Variants in IFI44L observed in about 807,000 individuals in gnomAD.
The protein encoded by IFI44L is interferon induced protein 44 like.
Under a neutral mutation model 39.3 loss-of-function variants are expected in IFI44L, and 40 were observed. That is an observed-to-expected ratio of 1.02 (90% CI 0.79 to 1.33). The LOEUF (loss-of-function observed/expected upper bound fraction) is 1.33, where lower values mean the gene tolerates loss of function less well. Ranked by LOEUF, IFI44L falls within the 40% of genes most tolerant of loss-of-function variation. IFI44L has a pLI of 0.00. For synonymous variants in IFI44L, 198 were observed against 182.3 expected (o/e 1.09, Z -0.69); for missense variants, 623 against 549.0 (o/e 1.13, Z -1.35).
In IFI44L at chr1:78,643,911, A is replaced by G. The variant is rs1647018256; in HGVS notation, c.*2102A>G. 6.6e-6 allele frequency: 1 copy of G among 152,056 alleles called. No homozygotes were observed. The highest frequency in any genetic ancestry group is 1.5e-5 in the Non-Finnish European group (1 of 67,990). The allele number at this position is 152,056 out of a possible 1,614,324, so 9.4% of individuals were successfully genotyped here. A position where few individuals can be genotyped will look rare whatever the true frequency, so the allele number is the denominator to read the frequency against. On this transcript the variant is annotated 3_prime_UTR_variant, in exon 9 of 9. Coordinates refer to ENST00000370751, the MANE Select transcript of IFI44L (RefSeq NM_006820.4). ...AGTCATGCTGTAAGTAGCTACAGGG[A>G]ATTGGCTTAAAGGGCAAGTTGGTTA...
chr1:78,622,881 C>T (rs1652327984), intron 1 of IFI44L, among the ~76,000 whole-genome samples: 1 of 152,212 alleles, frequency 6.6e-6, no homozygotes, highest in African/African-American at 2.4e-5. Flanking sequence ...TCCCGTTAAA[C>T]ATTCAGAAGA....
At chr1:78,638,042 C>T (rs766293196) in intron 6 of IFI44L, among the ~76,000 whole-genome samples, 5 of 152,098 alleles carry the variant, frequency 3.3e-5, no homozygotes, top group Non-Finnish European at 7.4e-5. Context: ...TACCATTTTA[C>T]AATCCCACCA....
chr1:78,636,877 A>T, intron 5 of IFI44L, 155 bp from the exon 6 acceptor site: 1 of 568,868 alleles, frequency 1.8e-6, no homozygotes, highest in Non-Finnish European at 3.1e-6. Context: ...TCACAGTGGA[A>T]AGGAAGTAAA....
intron 6 of IFI44L, among the ~76,000 whole-genome samples, chr1:78,639,567 A>C (rs1298399936): frequency 1.3e-5 from 2 of 152,090 alleles, no homozygotes; most frequent in African/African-American, 2.4e-5. Context: ...AAACCTAGAG[A>C]GCTCATCTCT....
intron 5 of IFI44L, 199 bp downstream of exon 5, chr1:78,635,688 G>T (rs1652925478): frequency 1.7e-6 from 1 of 572,304 alleles, no homozygotes; most frequent in South Asian, 2.2e-5. Flanking sequence ...GAGAAATAAA[G>T]CCAAAAGGCA....
Position 78,635,387 on chromosome 1 carries a change from T to C in IFI44L, c.774T>C (p.Phe258=), listed in dbSNP as rs556994784. ...KDGKNGKSLP[F]MLCDTMGLDG... is the part of the protein sequence containing the mutation. ...GAAAAAATGGAAAATCTCTGCCATT[T>C]ATGTTGTGTGACACTATGGGGCTAG... The change falls in exon 5 of 9, where the codon TTT becomes TTC. Residue 258 remains phenylalanine (F), a synonymous_variant. Coordinates refer to ENST00000370751, the MANE Select transcript of IFI44L (RefSeq NM_006820.4). 1 of 1,612,662 alleles carries C rather than the reference T, an allele frequency of 6.2e-7. No homozygotes were observed. The highest frequency in any genetic ancestry group is 8.5e-7 in the Non-Finnish European group (1 of 1,178,830).
rs1646992757 is a variant in IFI44L at position 78,641,978 on chromosome 1, C to T, written c.*169C>T. The T allele has an allele frequency of 5.5e-6, 4 of 728,668 alleles. No individual in the cohort carries two copies. In the Admixed American group the frequency reaches 7.9e-5, roughly 14 times the overall value. The allele number at this position is 728,668 out of a possible 1,614,324, so 45.1% of individuals were successfully genotyped here. A position where few individuals can be genotyped will look rare whatever the true frequency, so the allele number is the denominator to read the frequency against. On this transcript the variant is annotated 3_prime_UTR_variant, in exon 9 of 9. Transcript: ENST00000370751. ...AGGCCAAAACCTGAGAAGCGGTGGG[C>T]TAAGATAGGTCCTACTGCAAACCAC...
intron 6 of IFI44L, among the ~76,000 whole-genome samples, chr1:78,639,491 T>C (rs1424234454): frequency 3.3e-5 from 5 of 152,074 alleles, no homozygotes; most frequent in Admixed American, 3.3e-4. Context: ...TTTTGCTGGC[T>C]CTAATTTGTA....
chr1:78,627,816 T>C (rs1346977718), intron 1 of IFI44L, 90 bp from the exon 2 acceptor site: 12 of 665,242 alleles, frequency 1.8e-5, no homozygotes, highest in South Asian at 5.4e-5. Flanking sequence ...AGTCAGTGAA[T>C]AAAGAACTCA....
At chr1:78,641,412 CT>C in intron 7 of IFI44L, 22 bp from the exon 8 acceptor site, 1 of 1,602,090 alleles carries the variant, frequency 6.2e-7, no homozygotes, top group Admixed American at 1.7e-5. Flanking sequence ...AGGACTTACA[CT>C]TTTTAAATAT....
intron 6 of IFI44L, among the ~76,000 whole-genome samples, chr1:78,638,823 T>A (rs928514494): frequency 2.0e-5 from 3 of 152,158 alleles, no homozygotes; most frequent in Non-Finnish European, 4.4e-5. Flanking sequence ...GTCATGATCT[T>A]CTGATTAGCT....
chr1:78,621,740 A>G (rs544806621), intron 1 of IFI44L, among the ~76,000 whole-genome samples: 8 of 152,114 alleles, frequency 5.3e-5, no homozygotes, highest in Admixed American at 3.3e-4. Context: ...TTTATATACC[A>G]GCAAAAATGG....
At chr1:78,621,948 C>G (rs1652294263) in intron 1 of IFI44L, among the ~76,000 whole-genome samples, 1 of 152,064 alleles carries the variant, frequency 6.6e-6, no homozygotes, top group Non-Finnish European at 1.5e-5. Flanking sequence ...CCCAAGTCTT[C>G]TAGCTACTTT....
rs1244084065 is a variant in IFI44L at position 78,635,463 on chromosome 1, A to G, written c.850A>G (p.Lys284Glu). ...LCMDDIPHIL[K>E]GCMPDRYQFN... ...CATGGATGACATTCCCCACATCTTAAAAGGTTGTATGCCAGACAGATATCA... is the reference window on the plus strand; with the variant it reads ...CATGGATGACATTCCCCACATCTTAGAAGGTTGTATGCCAGACAGATATCA... Residue 284 changes from lysine to glutamate, a missense_variant, in exon 5 of 9, where the codon AAA becomes GAA. Coordinates refer to ENST00000370751, the MANE Select transcript of IFI44L (RefSeq NM_006820.4). The G allele has an allele frequency of 6.2e-7, 1 of 1,613,454 alleles. No individual in the cohort carries two copies. Among genetic ancestry groups the G allele is most frequent in the Non-Finnish European group, 8.5e-7 (1 of 1,179,662 alleles).
intron 2 of IFI44L, 21 bp downstream of exon 2, chr1:78,628,414 C>A: frequency 7.9e-7 from 1 of 1,262,780 alleles, no homozygotes; most frequent in Non-Finnish European, 1.1e-6. Flanking sequence ...TTAGATAATC[C>A]TACATCTCAC....
intron 4 of IFI44L, among the ~76,000 whole-genome samples, chr1:78,633,586 T>G (rs1009278235): frequency 6.6e-6 from 1 of 152,116 alleles, no homozygotes; most frequent in Non-Finnish European, 1.5e-5. Flanking sequence ...TTGAAGGACT[T>G]TTCCAGACAA....
Position 78,635,351 on chromosome 1 carries a change from TG to T in IFI44L, c.739del (p.Val247LeufsTer20), listed in dbSNP as rs754337237. The stretch of plus-strand genomic sequence containing the variant: ...TTTTTTAACAGTATAGGATATATTC[TG>T]TTAAAGATGGAAAAAATGGAAAATC... ...SITERYRIYS[V>X]KDGKNGKSLP... On this transcript the variant is annotated frameshift_variant, in exon 5 of 9. Coordinates refer to ENST00000370751, the MANE Select transcript of IFI44L (RefSeq NM_006820.4). LOFTEE classifies it high-confidence loss of function. 6.2e-7 allele frequency: 1 copy of T among 1,604,410 alleles called. No homozygotes were observed. The highest frequency in any genetic ancestry group is 2.2e-5 in the East Asian group (1 of 44,782).
Position 78,641,910 on chromosome 1 carries a change from C to A in IFI44L, c.*101C>A, listed in dbSNP as rs1047624899. On this transcript the variant is annotated 3_prime_UTR_variant, in exon 9 of 9. Coordinates refer to ENST00000370751, the MANE Select transcript of IFI44L (RefSeq NM_006820.4). ...GCCTGCTTCAGATTTTGCTTTTGTT[C>A]GTTTTGCCTTCTGTCCTTGGAACAG... 4.6e-6 allele frequency: 6 copies of A among 1,309,892 alleles called. No individual in the cohort carries two copies. Among genetic ancestry groups the A allele is most frequent in the African/African-American group, 4.4e-5 (3 of 68,572 alleles). 81.1% of individuals were successfully genotyped at this position (1,309,892 alleles called of 1,614,324 possible).
Position 78,642,059 on chromosome 1 carries a change from ACTGGAGG to A in IFI44L, c.*251_*257del. On this transcript the variant is annotated 3_prime_UTR_variant, in exon 9 of 9. Coordinates refer to ENST00000370751, the MANE Select transcript of IFI44L (RefSeq NM_006820.4). ...AGTTTCTGTGACATCTTTTTAAACC[ACTGGAGG>A]AAAAATGAGATATTCTCTAATTTAT... is the stretch of plus-strand genomic sequence containing the variant. 1 of 578,788 alleles carries A rather than the reference ACTGGAGG, an allele frequency of 1.7e-6. No individual in the cohort carries two copies. The highest frequency in any genetic ancestry group is 3.1e-6 in the Non-Finnish European group (1 of 323,654). 35.9% of individuals were successfully genotyped at this position (578,788 alleles called of 1,614,324 possible).
Sources: gnomAD v4.1 joint callset for allele counts (sites outside exome capture counted in the v4.1 genomes callset) on GRCh38, gnomAD v4.1.1 for gene constraint, MANE v1.5 for transcripts, NCBI Gene and HGNC (gene_info 2026-07-23, HGNC 2026-07-21) for gene names.